The following IFTAP variants were observed in gnomAD, a reference collection of about 807,000 sequenced individuals.
The protein encoded by IFTAP is intraflagellar transport-associated protein.
A neutral mutation model predicts 19.4 loss-of-function variants in IFTAP; 19 were observed. That is an observed-to-expected ratio of 0.98 (90% CI 0.68 to 1.44). The LOEUF is 1.44. IFTAP is among the 40% of genes most tolerant of loss of function. The pLI is 0.00. For missense variants in IFTAP, 240 were observed against 253.6 expected, an observed-to-expected ratio of 0.95 and a Z score of 0.36; for synonymous variants, 85 against 83.5, an observed-to-expected ratio of 1.02 and a Z score of -0.10.
At chr11:36,656,209 G>A (rs901249429) in intron 5 of IFTAP, among the ~76,000 whole-genome samples, 1 of 152,116 alleles carries the variant, frequency 6.6e-6, no homozygotes, top group Non-Finnish European at 1.5e-5. Flanking sequence ...GCTAGGATGA[G>A]GTAGGTAATA....
intron 5 of IFTAP, among the ~76,000 whole-genome samples, chr11:36,656,931 A>T (rs959582059): frequency 2.0e-5 from 3 of 152,060 alleles, no homozygotes; most frequent in Non-Finnish European, 1.5e-5. Context: ...CCTAAGTGAG[A>T]GGTGGGTGAA....
chr11:36,631,010 C>T (rs1027398043), intron 2 of IFTAP, among the ~76,000 whole-genome samples: 1 of 151,408 alleles, frequency 6.6e-6, no homozygotes, highest in Non-Finnish European at 1.5e-5. Flanking sequence ...TACAGGACAT[C>T]TCTGTGGCCG....
intron 2 of IFTAP, among the ~76,000 whole-genome samples, chr11:36,623,750 T>C (rs981969772): frequency 3.3e-5 from 5 of 152,184 alleles, no homozygotes; most frequent in Non-Finnish European, 7.4e-5. Flanking sequence ...TGTGGAGGCA[T>C]CTCATTGCCT....
At chr11:36,606,195 A>G (rs1470624734) in intron 1 of IFTAP, among the ~76,000 whole-genome samples, 4 of 152,250 alleles carry the variant, frequency 2.6e-5, no homozygotes, top group Non-Finnish European at 4.4e-5. Flanking sequence ...GCAGTGGCGC[A>G]CGCCTGTAAT....
At chr11:36,652,410 G>A (rs574622383) in intron 5 of IFTAP, among the ~76,000 whole-genome samples, 1 of 152,316 alleles carries the variant, frequency 6.6e-6, no homozygotes, top group East Asian at 1.9e-4. Context: ...TTTGTATCCT[G>A]AGACTTTGCT....
chr11:36,600,875 A>G (rs1851485276), intron 1 of IFTAP, among the ~76,000 whole-genome samples: 1 of 152,206 alleles, frequency 6.6e-6, no homozygotes, highest in East Asian at 1.9e-4. Flanking sequence ...ATAATTGGAA[A>G]AAGAAGATGG....
chr11:36,611,204 T>G (rs958498653), intron 2 of IFTAP, among the ~76,000 whole-genome samples: 1 of 152,138 alleles, frequency 6.6e-6, no homozygotes, highest in Non-Finnish European at 1.5e-5. Flanking sequence ...ATCTTCCTTC[T>G]GGGTTCTGCT....
At chr11:36,604,992 T>C (rs1187216316) in intron 1 of IFTAP, among the ~76,000 whole-genome samples, 4 of 151,358 alleles carry the variant, frequency 2.6e-5, no homozygotes, top group Non-Finnish European at 4.4e-5. Flanking sequence ...CTAGATCTGT[T>C]CTAATCACAT....
At position 36,633,365 on chromosome 11, in the gene IFTAP, A is replaced by T. The variant is rs371597438; in HGVS notation, c.218A>T (p.Asn73Ile). 24 of 1,603,928 alleles carry T rather than the reference A, an allele frequency of 1.5e-5. No individual in the cohort carries two copies. The highest frequency in any genetic ancestry group is 2.7e-5 in the African/African-American group (2 of 74,598). Residue 73 changes from asparagine (N) to isoleucine (I), a missense_variant, in exon 3 of 6, where the codon AAT becomes ATT. Physicochemically the swap from Asn to Ile is moderately radical, Grantham distance 149. Transcript: ENST00000334307. ...ACCTCAGCAAAAGTTACTCATAAAA[A>T]TGAAGCAGATGACTACCATCTTAGA... Reference protein sequence around the residue: ...IFTSAKVTHKNEADDYHLRNK... With the variant: ...IFTSAKVTHKIEADDYHLRNK...
chr11:36,655,479 G>C (rs1853937879), intron 5 of IFTAP, among the ~76,000 whole-genome samples: 1 of 152,090 alleles, frequency 6.6e-6, no homozygotes, highest in Admixed American at 6.6e-5. Flanking sequence ...ATTTCATATA[G>C]GTCTTCATCT....
At chr11:36,643,644 A>C (rs550777388) in intron 4 of IFTAP, among the ~76,000 whole-genome samples, 7 of 152,310 alleles carry the variant, frequency 4.6e-5, no homozygotes, top group South Asian at 2.1e-4. Flanking sequence ...TGGTACCAAA[A>C]CAGAGATATA....
chr11:36,610,435 A>G (rs1851841610), intron 2 of IFTAP, among the ~76,000 whole-genome samples, 196 bp downstream of exon 2: 1 of 152,176 alleles, frequency 6.6e-6, no homozygotes, highest in Non-Finnish European at 1.5e-5. Context: ...CATACATCCA[A>G]GAGTTGTGTG....
intron 5 of IFTAP, among the ~76,000 whole-genome samples, chr11:36,648,842 AC>A (rs561707807): frequency 4.8e-4 from 73 of 152,278 alleles, no homozygotes; most frequent in African/African-American, 1.7e-3. Context: ...CCACTTAGTC[AC>A]ATGTTCATAC....
chr11:36,643,855 G>T lies in IFTAP; in HGVS notation c.359-4161G>T, dbSNP rs575733222. 3.0e-3 allele frequency among the ~76,000 whole-genome samples: 459 copies of T among 152,228 alleles called. 5 individuals carry two copies. Among genetic ancestry groups the T allele is most frequent in the African/African-American group, 0.01 (433 of 41,538 alleles). On this transcript the variant is annotated intron_variant, in intron 4 of 5. Transcript: ENST00000334307. ...CTTGTACAAAAATTAATTCAAGATG[G>T]ATTAAAGACTTAAATATTAGACCTA... is the stretch of plus-strand genomic sequence containing the variant.
chr11:36,639,325 T>C (rs1853100161), intron 4 of IFTAP, among the ~76,000 whole-genome samples: 1 of 152,012 alleles, frequency 6.6e-6, no homozygotes, highest in Admixed American at 6.6e-5. Flanking sequence ...CGGGTGTACT[T>C]ATGGTGTGGC....
At chr11:36,651,327 T>C (rs1297382495) in intron 5 of IFTAP, among the ~76,000 whole-genome samples, 2 of 152,252 alleles carry the variant, frequency 1.3e-5, no homozygotes. Flanking sequence ...CAGTTTTTCA[T>C]GTGTCTGTTG....
At chr11:36,596,219 TTTG>T (rs1450912135) in intron 1 of IFTAP, among the ~76,000 whole-genome samples, 11 of 136,042 alleles carry the variant, frequency 8.1e-5, no homozygotes, top group East Asian at 5.7e-4. Flanking sequence ...GTGTTTTTTT[TTTG>T]TTTTTTTTTT....
intron 5 of IFTAP, 43 bp from the exon 6 acceptor site, chr11:36,658,976 C>T (rs541285018): frequency 1.4e-6 from 2 of 1,398,580 alleles, no homozygotes; most frequent in Non-Finnish European, 1.9e-6. Context: ...TCTTCATTTA[C>T]AATGATTGTG....
intron 1 of IFTAP, among the ~76,000 whole-genome samples, chr11:36,609,376 T>G (rs1254422184): frequency 2.0e-5 from 3 of 152,174 alleles, no homozygotes; most frequent in African/African-American, 7.2e-5. Flanking sequence ...AGAAACCAGT[T>G]GGGGTAGAGT....
Sources: allele counts gnomAD v4.1 joint callset (sites outside exome capture counted in the v4.1 genomes callset), GRCh38; gene constraint gnomAD v4.1.1; transcripts MANE v1.5; gene names NCBI Gene and HGNC (gene_info 2026-07-23, HGNC 2026-07-21).